The following VRK2 variants were observed in gnomAD, a reference collection of about 807,000 sequenced individuals.
VRK2 encodes the protein serine/threonine-protein kinase VRK2.
VRK2 carries 60 observed loss-of-function variants against 57.6 expected under a neutral mutation model. That is an observed-to-expected ratio of 1.04 (90% CI 0.85 to 1.29). VRK2 has a LOEUF of 1.29. Ranked by LOEUF, VRK2 falls within the 50% of genes most tolerant of loss-of-function variation. The pLI is 0.00. For missense variants in VRK2, 705 were observed against 588.1 expected, an observed-to-expected ratio of 1.20 and a Z score of -2.06; for synonymous variants, 231 against 199.2, an observed-to-expected ratio of 1.16 and a Z score of -1.35.
intron 12 of VRK2, chr2:58,154,895 A>G (rs1683563242): frequency 8.5e-6 from 5 of 585,222 alleles, no homozygotes; most frequent in Admixed American, 2.9e-5. Context: ...ACTTCAAAAT[A>G]TATTTCCCCT....
At chr2:58,135,783 A>G (rs565669301) in intron 10 of VRK2, among the ~76,000 whole-genome samples, 4 of 152,344 alleles carry the variant, frequency 2.6e-5, no homozygotes, top group African/African-American at 9.6e-5. Flanking sequence ...ATCAATACAT[A>G]TTGTATAAAA....
At position 58,131,014 on chromosome 2, in the gene VRK2, T is replaced by C. The variant is rs868023507; in HGVS notation, c.677-794T>C. Among the ~76,000 whole-genome samples, 11 of 152,168 alleles carry C rather than the reference T, an allele frequency of 7.2e-5. No homozygotes were observed. The South Asian group carries it at 1.5e-3, about 20-fold the overall frequency. ...TAGACTACAGCATTTAATAGGTTGA[T>C]ATAAAATGATACAAGGGCCTGAAAA... On this transcript the variant is annotated intron_variant, in intron 8 of 12. Coordinates refer to ENST00000340157, the MANE Select transcript of VRK2 (RefSeq NM_006296.7).
At chr2:58,133,682 C>T (rs1443231589) in intron 9 of VRK2, among the ~76,000 whole-genome samples, 1 of 152,110 alleles carries the variant, frequency 6.6e-6, no homozygotes, top group African/African-American at 2.4e-5. Flanking sequence ...GTTGTGTATT[C>T]CTTACTTGAA....
upstream of VRK2, among the ~76,000 whole-genome samples, chr2:58,043,438 T>C (rs1674542605): frequency 6.6e-6 from 1 of 152,182 alleles, no homozygotes; most frequent in African/African-American, 2.4e-5. Context: ...ATTTGCAACG[T>C]TTCAGCTCCT....
At chr2:57,956,865 A>C (rs1242637897) in intron 1 of VRK2, among the ~76,000 whole-genome samples, 3 of 152,168 alleles carry the variant, frequency 2.0e-5, no homozygotes, top group African/African-American at 7.2e-5. Context: ...CATTGTATTA[A>C]ATATCATGGA....
At chr2:58,111,098 G>C (rs964660639) in intron 7 of VRK2, among the ~76,000 whole-genome samples, 9 of 152,186 alleles carry the variant, frequency 5.9e-5, no homozygotes, top group African/African-American at 1.9e-4. Context: ...AAAATGGAAA[G>C]CCTGTAAAAG....
At chr2:57,960,398 C>T (rs184363500) in intron 1 of VRK2, among the ~76,000 whole-genome samples, 1 of 152,276 alleles carries the variant, frequency 6.6e-6, no homozygotes, top group Admixed American at 6.5e-5. Flanking sequence ...GCTGAAGAGA[C>T]ATAAATAAAG....
chr2:57,995,827 T>C (rs1261733364), intron 1 of VRK2, among the ~76,000 whole-genome samples: 1 of 152,242 alleles, frequency 6.6e-6, no homozygotes, highest in African/African-American at 2.4e-5. Flanking sequence ...TACTACTGCC[T>C]GGATTTATGC....
intron 9 of VRK2, among the ~76,000 whole-genome samples, chr2:58,132,544 A>G (rs1679366956): frequency 6.6e-6 from 1 of 152,216 alleles, no homozygotes; most frequent in Admixed American, 6.5e-5. Context: ...ACTGTTTTAC[A>G]ATTCTCTCAC....
chr2:58,080,473 T>C (rs887367314), intron 2 of VRK2, among the ~76,000 whole-genome samples: 3 of 151,964 alleles, frequency 2.0e-5, no homozygotes, highest in Non-Finnish European at 4.4e-5. Context: ...ACTATTTTTG[T>C]TGCAATGTTG....
At chr2:58,157,552 C>T (rs1428397939) in intron 12 of VRK2, among the ~76,000 whole-genome samples, 2 of 152,136 alleles carry the variant, frequency 1.3e-5, no homozygotes, top group Non-Finnish European at 2.9e-5. Flanking sequence ...TAGATTATTG[C>T]ATTGCCTTGA....
intron 1 of VRK2, among the ~76,000 whole-genome samples, chr2:57,909,796 T>C: frequency 6.6e-6 from 1 of 152,194 alleles, no homozygotes. Flanking sequence ...CTTAGAGATC[T>C]GTCAAGAATT....
intron 1 of VRK2, among the ~76,000 whole-genome samples, chr2:57,908,116 G>A (rs1669881726): frequency 6.6e-6 from 1 of 152,154 alleles, no homozygotes; most frequent in Admixed American, 6.5e-5. Context: ...ATCTAAGGAA[G>A]AATCCAAAAT....
At chr2:57,956,865 A>G (rs1242637897) in intron 1 of VRK2, among the ~76,000 whole-genome samples, 2 of 152,286 alleles carry the variant, frequency 1.3e-5, no homozygotes, top group African/African-American at 4.8e-5. Flanking sequence ...CATTGTATTA[A>G]ATATCATGGA....
chr2:58,159,661 A>G lies in VRK2; in HGVS notation c.1495A>G (p.Met499Val). Residue 499 changes from methionine to valine, a missense_variant, in exon 13 of 13, where the codon ATG becomes GTG. Transcript: ENST00000340157. ...TCGCATCATCATACCTGTCCTTTTG[A>G]TGTTAGTATTTCTTGCTTTATTTTT... is the stretch of plus-strand genomic sequence containing the variant. ...YYRIIIPVLL[M>V]LVFLALFFL 1 of 1,613,222 alleles carries G rather than the reference A, an allele frequency of 6.2e-7. No homozygotes were observed. The highest frequency in any genetic ancestry group is 8.5e-7 in the Non-Finnish European group (1 of 1,179,598).
intron 3 of VRK2, chr2:58,041,090 G>C (rs1181665238): frequency 1.0e-6 from 1 of 984,278 alleles, no homozygotes; most frequent in Non-Finnish European, 1.2e-6. Context: ...AAAGGATGTA[G>C]AGTGTAAATA....
intron 7 of VRK2, among the ~76,000 whole-genome samples, chr2:58,115,721 A>G (rs928561980): frequency 6.6e-5 from 10 of 152,010 alleles, no homozygotes; most frequent in Admixed American, 3.3e-4. Flanking sequence ...GAATTATGCC[A>G]AGATAGGTAA....
intron 9 of VRK2, among the ~76,000 whole-genome samples, chr2:58,132,910 T>C (rs1365326438): frequency 6.6e-6 from 1 of 152,226 alleles, no homozygotes. Context: ...TATATAAATC[T>C]ATATTAGAAC....
chr2:58,088,910 G>C (rs950137496), intron 6 of VRK2, among the ~76,000 whole-genome samples: 1 of 152,148 alleles, frequency 6.6e-6, no homozygotes, highest in Non-Finnish European at 1.5e-5. Context: ...CAGAAGCAAC[G>C]AACTCTTAAT....
Sources: allele counts gnomAD v4.1 joint callset (sites outside exome capture counted in the v4.1 genomes callset), GRCh38; gene constraint gnomAD v4.1.1; transcripts MANE v1.5; gene names NCBI Gene and HGNC (gene_info 2026-07-23, HGNC 2026-07-21).